UBA2: variants seen among roughly 807,000 people sequenced by gnomAD.
The protein encoded by UBA2 is SUMO-activating enzyme subunit 2.
In UBA2, 11 loss-of-function variants were observed where a neutral mutation model predicts 77.2. That is an observed-to-expected ratio of 0.14 (90% CI 0.09 to 0.24). UBA2 has a LOEUF of 0.24. UBA2 is among the 10% of genes least tolerant of loss of function. UBA2 has a pLI of 1.00. For missense variants in UBA2, 487 were observed against 781.7 expected, an observed-to-expected ratio of 0.62 and a Z score of 4.50; for synonymous variants, 278 against 276.7, an observed-to-expected ratio of 1.00 and a Z score of -0.05.
chr19:34,466,205 G>A (rs547464657), intron 15 of UBA2, among the ~76,000 whole-genome samples: 3 of 152,034 alleles, frequency 2.0e-5, no homozygotes, highest in East Asian at 1.9e-4. Flanking sequence ...GTGTGGTGGC[G>A]CGCCTATAGT....
Position 34,428,495 on chromosome 19 carries a change from G to A in UBA2, c.63G>A (p.Leu21=), listed in dbSNP as rs1347681514. 7.7e-7 allele frequency: 1 copy of A among 1,300,450 alleles called. No homozygotes were observed. Among genetic ancestry groups the A allele is most frequent in the East Asian group, 2.8e-5 (1 of 35,280 alleles). The allele number at this position is 1,300,450 out of a possible 1,614,324, so 80.6% of individuals were successfully genotyped here. The change falls in exon 1 of 17, where the codon CTG becomes CTA. Residue 21 remains leucine (L), a synonymous_variant. Transcript: ENST00000246548. ...AGGCGGTGGCCGGGGGCCGGGTGCT[G>A]GTGGTGGGGGCGGGCGGCATCGGCT... The part of the protein sequence containing the change: ...LAEAVAGGRV[L]VVGAGGIGCE...
chr19:34,445,336 G>A (rs12609993), intron 8 of UBA2, among the ~76,000 whole-genome samples: 141 of 152,122 alleles, frequency 9.3e-4, no homozygotes, highest in East Asian at 8.9e-3. Flanking sequence ...CATCTAAATA[G>A]GAGGTAAAAT....
intron 1 of UBA2, 96 bp downstream of exon 1, chr19:34,428,666 C>A: frequency 2.2e-6 from 2 of 925,232 alleles, no homozygotes; most frequent in Non-Finnish European, 2.6e-6. Flanking sequence ...GCTCAGGGCC[C>A]GGAGCCCGGG....
intron 8 of UBA2, among the ~76,000 whole-genome samples, chr19:34,448,578 C>T (rs1330612391): frequency 6.6e-6 from 1 of 152,000 alleles, no homozygotes; most frequent in East Asian, 1.9e-4. Flanking sequence ...CTGGGCAGGT[C>T]AAAGAACAGA....
chr19:34,443,892 A>C lies in UBA2; in HGVS notation c.630A>C (p.Arg210Ser). Residue 210 changes from arginine (R) to serine (S), a missense_variant, in exon 7 of 17, where the codon AGA becomes AGC. Transcript: ENST00000246548. The stretch of plus-strand genomic sequence containing the variant: ...CTGATCAAGAAGTATCTCCTGACAG[A>C]GCTGACCCTGAAGCTGCCTGTGAGT... Reference protein sequence around the residue: ...EDADQEVSPDRADPEAAWEPT... With the variant: ...EDADQEVSPDSADPEAAWEPT... 1 of 1,610,928 alleles carries C rather than the reference A, an allele frequency of 6.2e-7. No individual in the cohort carries two copies. The highest frequency in any genetic ancestry group is 8.5e-7 in the Non-Finnish European group (1 of 1,177,274).
At chr19:34,445,564 G>A (rs2075420328) in intron 8 of UBA2, among the ~76,000 whole-genome samples, 2 of 150,648 alleles carry the variant, frequency 1.3e-5, no homozygotes, top group Admixed American at 6.7e-5. Context: ...TCAGCCTTCC[G>A]AGTAGCTGGG....
chr19:34,428,627 GGGGGTTCC>G, intron 1 of UBA2, 57 bp downstream of exon 1: 1 of 1,274,716 alleles, frequency 7.8e-7, no homozygotes, highest in Non-Finnish European at 1.0e-6. Context: ...GCTGGGATTC[GGGGGTTCC>G]GGGGCTCCAG....
chr19:34,437,248 C>T (rs1306748959), intron 5 of UBA2, among the ~76,000 whole-genome samples: 1 of 150,800 alleles, frequency 6.6e-6, no homozygotes, highest in Non-Finnish European at 1.5e-5. Context: ...AGGTATGAGC[C>T]ACCACGCCCG....
At chr19:34,429,268 G>T in intron 1 of UBA2, 2 of 984,852 alleles carry the variant, frequency 2.0e-6, no homozygotes, top group Non-Finnish European at 2.4e-6. Flanking sequence ...TGTGCCTTTT[G>T]CATTGGTGTA....
intron 3 of UBA2, 195 bp from the exon 4 acceptor site, chr19:34,433,153 G>A: frequency 2.0e-6 from 1 of 504,688 alleles, no homozygotes; most frequent in Non-Finnish European, 3.5e-6. Flanking sequence ...AAAAAGGATA[G>A]GAATTTGAAG....
chr19:34,461,122 C>T (rs1484849122), intron 14 of UBA2, among the ~76,000 whole-genome samples: 1 of 152,204 alleles, frequency 6.6e-6, no homozygotes, highest in Admixed American at 6.5e-5. Context: ...TCAGACTGTA[C>T]TCGTTGATCC....
At chr19:34,442,556 C>T (rs1472716656) in intron 6 of UBA2, among the ~76,000 whole-genome samples, 1 of 152,110 alleles carries the variant, frequency 6.6e-6, no homozygotes, top group East Asian at 1.9e-4. Context: ...CTCAGCCTCT[C>T]GAGTGGCTGG....
Position 34,444,052 on chromosome 19 carries a change from T to G in UBA2, c.649+141T>G, listed in dbSNP as rs911500002. The stretch of plus-strand genomic sequence containing the variant: ...ACATGTGTTTTTTTTTTGTTTTTTT[T>G]TTTTTTTTTTTTTTTTGTCTCAGAG... On this transcript the variant is annotated intron_variant, in intron 7 of 16. Coordinates refer to ENST00000246548, the MANE Select transcript of UBA2 (RefSeq NM_005499.3). 2,118 of 405,020 alleles carry G rather than the reference T, an allele frequency of 5.2e-3. 2 individuals carry two copies. The highest frequency in any genetic ancestry group is 0.029 in the East Asian group (640 of 21,698). The allele number at this position is 405,020 out of a possible 1,614,324, so 25.1% of individuals were successfully genotyped here. A position where few individuals can be genotyped will look rare whatever the true frequency, so the allele number is the denominator to read the frequency against.
chr19:34,438,998 C>T (rs540234811), intron 6 of UBA2, among the ~76,000 whole-genome samples: 297 of 152,156 alleles, frequency 2.0e-3, no homozygotes, highest in Non-Finnish European at 3.6e-3. Context: ...CACCTGAGCG[C>T]AGGAGTTTGA....
At chr19:34,445,616 T>A (rs1299260244) in intron 8 of UBA2, among the ~76,000 whole-genome samples, 1 of 152,092 alleles carries the variant, frequency 6.6e-6, no homozygotes, top group Non-Finnish European at 1.5e-5. Flanking sequence ...TTTTGTATTT[T>A]TAGTAGAAGC....
chr19:34,443,911 T>C lies in UBA2; in HGVS notation c.649T>C (p.Trp217Arg), dbSNP rs775534336. 1.2e-4 allele frequency: 194 copies of C among 1,597,314 alleles called. No homozygotes were observed. The highest frequency in any genetic ancestry group is 1.5e-4 in the Non-Finnish European group (175 of 1,165,106). The change falls in exon 7 of 17, where the codon TGG becomes CGG. Residue 217 changes from tryptophan to arginine, a missense_variant and splice_region_variant. Transcript: ENST00000246548. ...SPDRADPEAA[W>R]EPTEAEARAR... ...TGACAGAGCTGACCCTGAAGCTGCCTGTGAGTAAATTATTTGGCATATGTT... is the reference window on the plus strand; with the variant it reads ...TGACAGAGCTGACCCTGAAGCTGCCCGTGAGTAAATTATTTGGCATATGTT...
Position 34,430,737 on chromosome 19 carries a change from A to T in UBA2, c.222+78A>T, listed in dbSNP as rs1307535560. On this transcript the variant is annotated intron_variant, in intron 2 of 16. Coordinates refer to ENST00000246548, the MANE Select transcript of UBA2 (RefSeq NM_005499.3). ...ATACCAGATTAATCCTGCCTGTCAT[A>T]TAGGAGGGAAAAAATGGGTGAAGCT... The T allele has an allele frequency of 4.4e-6, 5 of 1,137,478 alleles. No homozygotes were observed. The Middle Eastern group carries it at 6.5e-4, about 148-fold the overall frequency. 70.5% of individuals were successfully genotyped at this position (1,137,478 alleles called of 1,614,324 possible). A position where few individuals can be genotyped will look rare whatever the true frequency, so the allele number is the denominator to read the frequency against.
chr19:34,450,745 T>TTTTTTTTG, intron 9 of UBA2, among the ~76,000 whole-genome samples: 1 of 135,108 alleles, frequency 7.4e-6, no homozygotes, highest in Non-Finnish European at 1.6e-5. Flanking sequence ...TGTATATCTT[T>TTTTTTTTG]TTTTTTTTTT....
chr19:34,456,792 A>T (rs1212732819), intron 12 of UBA2, among the ~76,000 whole-genome samples: 1 of 152,040 alleles, frequency 6.6e-6, no homozygotes, highest in Non-Finnish European at 1.5e-5. Flanking sequence ...TCCTGACCTC[A>T]GGTGATCTGC....
Sources: gnomAD v4.1 joint callset for allele counts (sites outside exome capture counted in the v4.1 genomes callset) on GRCh38, gnomAD v4.1.1 for gene constraint, MANE v1.5 for transcripts, NCBI Gene and HGNC (gene_info 2026-07-23, HGNC 2026-07-21) for gene names.